SLC24A4: variants seen among roughly 807,000 people sequenced by gnomAD.
SLC24A4 encodes the protein sodium/potassium/calcium exchanger 4.
SLC24A4 carries 53 observed loss-of-function variants against 79.0 expected under a neutral mutation model. The ratio of observed to expected loss-of-function variants is 0.67; its 90% confidence interval spans 0.54 to 0.84. The LOEUF is 0.84. Ranked by LOEUF, SLC24A4 falls within the 40% of genes least tolerant of loss-of-function variation. SLC24A4 has a pLI of 0.00. For synonymous variants in SLC24A4, 323 were observed against 323.8 expected, an observed-to-expected ratio of 1.00 and a Z score of 0.03; for missense variants, 731 against 822.0, an observed-to-expected ratio of 0.89 and a Z score of 1.35.
chr14:92,381,377 A>G lies in SLC24A4; in HGVS notation c.242-52535A>G, dbSNP rs147678185. ...GTTCTCACTCATAAGTGGGAGCTGAACAATGAGAACACATGGACACGGGGA... is the reference window on the plus strand; with the variant it reads ...GTTCTCACTCATAAGTGGGAGCTGAGCAATGAGAACACATGGACACGGGGA... On this transcript the variant is annotated intron_variant, in intron 2 of 16. Coordinates refer to ENST00000532405, the MANE Select transcript of SLC24A4 (RefSeq NM_153646.4). 8.9e-4 allele frequency among the ~76,000 whole-genome samples: 136 copies of G among 152,298 alleles called. 1 individual carries two copies. The highest frequency in any genetic ancestry group is 2.9e-3 in the African/African-American group (121 of 41,574).
chr14:92,381,763 TA>T (rs5810595), intron 2 of SLC24A4, among the ~76,000 whole-genome samples: 1 of 151,036 alleles, frequency 6.6e-6, no homozygotes, highest in Non-Finnish European at 1.5e-5. Flanking sequence ...TGCAGAGCTT[TA>T]AAAAAAAATA....
At chr14:92,378,959 G>A (rs1056908947) in intron 2 of SLC24A4, among the ~76,000 whole-genome samples, 2 of 152,200 alleles carry the variant, frequency 1.3e-5, no homozygotes, top group Non-Finnish European at 2.9e-5. Flanking sequence ...CTACTTGGGA[G>A]GCTGAGATGG....
At chr14:92,368,567 C>T (rs1447032512) in intron 2 of SLC24A4, among the ~76,000 whole-genome samples, 1 of 152,084 alleles carries the variant, frequency 6.6e-6, no homozygotes, top group African/African-American at 2.4e-5. Flanking sequence ...TTCTCAGAAG[C>T]CCATTACAGG....
At chr14:92,460,247 C>T (rs1221749101) in intron 12 of SLC24A4, among the ~76,000 whole-genome samples, 1 of 152,188 alleles carries the variant, frequency 6.6e-6, no homozygotes, top group Non-Finnish European at 1.5e-5. Context: ...CAAGCTCCTT[C>T]ACCTTCCTAA....
In SLC24A4 at chr14:92,410,856, C is replaced by T. The variant is rs141836299; in HGVS notation, c.242-23056C>T. 3.8e-3 allele frequency among the ~76,000 whole-genome samples: 582 copies of T among 152,246 alleles called. 2 individuals are homozygous for T. The highest frequency in any genetic ancestry group is 6.4e-3 in the Non-Finnish European group (434 of 68,024). ...CCTCTCATCTGGATGTGGTGAATTG[C>T]ACATAGATAAAGCAGAATAACCAAG... On this transcript the variant is annotated intron_variant, in intron 2 of 16. Transcript: ENST00000532405.
At chr14:92,388,282 G>A (rs1390451026) in intron 2 of SLC24A4, among the ~76,000 whole-genome samples, 1 of 152,164 alleles carries the variant, frequency 6.6e-6, no homozygotes, top group African/African-American at 2.4e-5. Context: ...GATTTAAGGT[G>A]TGACGCATAA....
At chr14:92,331,528 C>T (rs1885478855) in intron 2 of SLC24A4, among the ~76,000 whole-genome samples, 1 of 152,230 alleles carries the variant, frequency 6.6e-6, no homozygotes. Context: ...AGCGCTCTGT[C>T]TGCCTTGGCC....
rs74977635 is a variant in SLC24A4 at position 92,361,005 on chromosome 14, A to T, written c.241+35027A>T. Among the ~76,000 whole-genome samples the T allele has an allele frequency of 5.3e-3, 811 of 152,312 alleles. 7 individuals carry two copies. The highest frequency in any genetic ancestry group is 0.019 in the African/African-American group (773 of 41,564). On this transcript the variant is annotated intron_variant, in intron 2 of 16. Transcript: ENST00000532405. ...TAAATGCACGTTTGAAATGAAAGGG[A>T]ACAGTTTAATCTTTAAAAAGGAGAG... is the stretch of plus-strand genomic sequence containing the variant.
At chr14:92,476,761 A>G (rs1894787940) in intron 12 of SLC24A4, among the ~76,000 whole-genome samples, 1 of 152,132 alleles carries the variant, frequency 6.6e-6, no homozygotes, top group South Asian at 2.1e-4. Flanking sequence ...CGTCTCTATG[A>G]ATTTCCTATT....
intron 2 of SLC24A4, among the ~76,000 whole-genome samples, chr14:92,368,924 T>A (rs1185049730): frequency 6.6e-6 from 1 of 152,030 alleles, no homozygotes; most frequent in African/African-American, 2.4e-5. Flanking sequence ...CCTGCTCAGC[T>A]CCCTACCCAC....
chr14:92,395,350 T>C (rs1207551366), intron 2 of SLC24A4, among the ~76,000 whole-genome samples: 1 of 151,938 alleles, frequency 6.6e-6, no homozygotes, highest in African/African-American at 2.4e-5. Flanking sequence ...GCAGCCATTC[T>C]CAGAGCAGTG....
At chr14:92,436,865 C>G (rs1433539787) in intron 3 of SLC24A4, among the ~76,000 whole-genome samples, 1 of 152,158 alleles carries the variant, frequency 6.6e-6, no homozygotes, top group East Asian at 1.9e-4. Context: ...GTAGCAGGGT[C>G]TCCCCCACCT....
In SLC24A4 at chr14:92,482,777, G is replaced by C; in HGVS notation, c.1353G>C (p.Lys451Asn). The change falls in exon 13 of 17, where the codon AAG becomes AAC. Residue 451 changes from lysine to asparagine, a missense_variant. Coordinates refer to ENST00000532405, the MANE Select transcript of SLC24A4 (RefSeq NM_153646.4). ...ACTGCAGCAAGCCCCGCTGGGAGAAGTTCTTCATGGTCACCTTCATCACCG... is the reference window on the plus strand; with the variant it reads ...ACTGCAGCAAGCCCCGCTGGGAGAACTTCTTCATGGTCACCTTCATCACCG... ...IPNCSKPRWE[K>N]FFMVTFITAT... is the part of the protein sequence containing the mutation. 6.2e-7 allele frequency: 1 copy of C among 1,614,100 alleles called. No individual in the cohort carries two copies. The highest frequency in any genetic ancestry group is 8.5e-7 in the Non-Finnish European group (1 of 1,180,002).
chr14:92,468,731 C>T (rs1407110820), intron 12 of SLC24A4, among the ~76,000 whole-genome samples: 1 of 152,184 alleles, frequency 6.6e-6, no homozygotes, highest in African/African-American at 2.4e-5. Context: ...CCCTACTGCT[C>T]ACCATATACA....
At chr14:92,476,867 ACCATGTAT>A (rs975988103) in intron 12 of SLC24A4, among the ~76,000 whole-genome samples, 2 of 152,182 alleles carry the variant, frequency 1.3e-5, no homozygotes, top group Non-Finnish European at 2.9e-5. Context: ...TCCATGTGGT[ACCATGTAT>A]CAGTACTTCA....
intron 2 of SLC24A4, among the ~76,000 whole-genome samples, chr14:92,337,045 A>C (rs1322788213): frequency 6.6e-6 from 1 of 152,128 alleles, no homozygotes; most frequent in Non-Finnish European, 1.5e-5. Flanking sequence ...GGATTTATCT[A>C]GGAGCCAGTG....
At chr14:92,417,210 G>A (rs181053174) in intron 2 of SLC24A4, among the ~76,000 whole-genome samples, 125 of 152,310 alleles carry the variant, frequency 8.2e-4, no homozygotes, top group Non-Finnish European at 1.3e-3. Flanking sequence ...GGCCCCATAA[G>A]ATTATACAGA....
intron 14 of SLC24A4, among the ~76,000 whole-genome samples, chr14:92,489,406 C>T (rs1016903234): frequency 5.9e-5 from 9 of 151,798 alleles, no homozygotes; most frequent in Admixed American, 1.3e-4. Context: ...CCAGCCTAGG[C>T]GACAGAGGGA....
chr14:92,444,321 C>T (rs1892667355), intron 7 of SLC24A4, among the ~76,000 whole-genome samples: 1 of 152,136 alleles, frequency 6.6e-6, no homozygotes, highest in Admixed American at 6.5e-5. Context: ...GGTTCCCTCC[C>T]ACACAAAAAC....
Sources: allele counts gnomAD v4.1 joint callset (sites outside exome capture counted in the v4.1 genomes callset), GRCh38; gene constraint gnomAD v4.1.1; transcripts MANE v1.5; gene names NCBI Gene and HGNC (gene_info 2026-07-23, HGNC 2026-07-21).